The following PCSK5 variants were observed in gnomAD, a reference collection of about 807,000 sequenced individuals.
PCSK5 encodes proprotein convertase subtilisin/kexin type 5, also known as prohormone convertase 5.
Under a neutral mutation model 233.2 loss-of-function variants are expected in PCSK5, and 129 were observed. The observed-to-expected ratio is 0.55, with a 90% CI of 0.48 to 0.64. PCSK5 has a LOEUF of 0.64. PCSK5 is among the 30% of genes least tolerant of loss of function. The pLI, the probability that PCSK5 is intolerant of heterozygous loss-of-function variation, is 0.00. For synonymous variants in PCSK5, 825 were observed against 879.2 expected (o/e 0.94, Z 1.09); for missense variants, 2,076 against 2,430.1 (o/e 0.85, Z 3.06).
chr9:76,246,736 C>A (rs1296903907), intron 24 of PCSK5, among the ~76,000 whole-genome samples: 1 of 152,184 alleles, frequency 6.6e-6, no homozygotes, highest in African/African-American at 2.4e-5. Context: ...ATAGAGCACT[C>A]TGCAGCTACC....
At chr9:76,040,387 C>CTCTCTCTCTCTCTCTCTCTCTCTCTCTG (rs1829063933) in intron 5 of PCSK5, among the ~76,000 whole-genome samples, 1 of 39,044 alleles carries the variant, frequency 2.6e-5, no homozygotes, top group Non-Finnish European at 4.8e-5. Flanking sequence ...CTCTCTCTGT[C>CTCTCTCTCTCTCTCTCTCTCTCTCTCTG]TCTCTCTCTC....
At chr9:76,033,387 AG>A (rs1159580051) in intron 5 of PCSK5, among the ~76,000 whole-genome samples, 1 of 152,172 alleles carries the variant, frequency 6.6e-6, no homozygotes, top group African/African-American at 2.4e-5. Flanking sequence ...GAAGAAAATG[AG>A]GGTCAATATC....
intron 4 of PCSK5, among the ~76,000 whole-genome samples, chr9:76,024,406 C>T (rs981745730): frequency 4.6e-5 from 7 of 152,174 alleles, no homozygotes; most frequent in African/African-American, 1.4e-4. Flanking sequence ...CATCTAAGTG[C>T]ACTCAGATAA....
chr9:76,006,551 C>T (rs1827486389), intron 3 of PCSK5, among the ~76,000 whole-genome samples: 1 of 152,130 alleles, frequency 6.6e-6, no homozygotes, highest in Admixed American at 6.5e-5. Context: ...ATTAGCTTAT[C>T]CTGTTTTACC....
At chr9:75,966,163 C>T (rs1825576348) in intron 2 of PCSK5, among the ~76,000 whole-genome samples, 3 of 152,094 alleles carry the variant, frequency 2.0e-5, no homozygotes, top group South Asian at 4.1e-4. Flanking sequence ...ACTTTGGGTA[C>T]GTACTAACCT....
chr9:76,086,417 G>A (rs560905527), intron 7 of PCSK5, among the ~76,000 whole-genome samples: 95 of 152,308 alleles, frequency 6.2e-4, no homozygotes, highest in African/African-American at 2.2e-3. Flanking sequence ...GGGGCTCAAA[G>A]CATGGAGGAT....
intron 3 of PCSK5, 122 bp downstream of exon 3, chr9:75,986,367 A>G: frequency 1.6e-6 from 1 of 635,474 alleles, no homozygotes; most frequent in Non-Finnish European, 2.9e-6. Flanking sequence ...CTATTTTAAT[A>G]CCCACCATTT....
chr9:75,995,769 ACACACACACACACT>A (rs1249602943), intron 3 of PCSK5, among the ~76,000 whole-genome samples: 5 of 142,740 alleles, frequency 3.5e-5, no homozygotes, highest in Non-Finnish European at 8.0e-5. Context: ...ACACACACAC[ACACACACACACACT>A]CACACCTCTC....
intron 31 of PCSK5, 22 bp downstream of exon 31, chr9:76,321,661 G>C: frequency 1.3e-6 from 2 of 1,522,298 alleles, no homozygotes; most frequent in Non-Finnish European, 1.8e-6. Context: ...CTTCCCACAG[G>C]AGAGCAAGGC....
chr9:76,338,194 C>A, intron 34 of PCSK5, 36 bp from the exon 35 acceptor site: 1 of 1,479,886 alleles, frequency 6.8e-7, no homozygotes, highest in Non-Finnish European at 9.3e-7. Flanking sequence ...AGGAGCAAAG[C>A]TTACTATTCC....
At chr9:75,986,282 C>A in intron 3 of PCSK5, 37 bp downstream of exon 3, 2 of 1,221,974 alleles carry the variant, frequency 1.6e-6, no homozygotes, top group South Asian at 1.2e-5. Context: ...AGGGCCATGT[C>A]ATCCGGTTTT....
chr9:75,951,793 CTATT>C (rs1329433937), intron 2 of PCSK5, among the ~76,000 whole-genome samples: 1 of 151,992 alleles, frequency 6.6e-6, no homozygotes, highest in Non-Finnish European at 1.5e-5. Context: ...AGTGTAACAA[CTATT>C]TACAGGGCAT....
At chr9:76,347,139 T>C (rs1181090967) in intron 35 of PCSK5, among the ~76,000 whole-genome samples, 2 of 152,054 alleles carry the variant, frequency 1.3e-5, no homozygotes, top group Non-Finnish European at 2.9e-5. Context: ...TAAAATGGTT[T>C]GGAATCAAAA....
chr9:75,952,015 A>G (rs1734398746), intron 2 of PCSK5, among the ~76,000 whole-genome samples: 1 of 152,206 alleles, frequency 6.6e-6, no homozygotes. Flanking sequence ...AAGAATTTAA[A>G]GTGAACATCA....
At chr9:75,989,722 C>T (rs1011602898) in intron 3 of PCSK5, among the ~76,000 whole-genome samples, 3 of 152,092 alleles carry the variant, frequency 2.0e-5, no homozygotes, top group Non-Finnish European at 2.9e-5. Context: ...GTCCACTTGA[C>T]GTGGTGCTGG....
At chr9:76,315,168 G>T (rs1454951875) in intron 30 of PCSK5, among the ~76,000 whole-genome samples, 1 of 151,770 alleles carries the variant, frequency 6.6e-6, no homozygotes, top group Non-Finnish European at 1.5e-5. Context: ...TGGCCAGGCT[G>T]GTCTTGAACT....
chr9:76,024,150 G>A (rs1208353572), intron 4 of PCSK5, among the ~76,000 whole-genome samples: 3 of 152,178 alleles, frequency 2.0e-5, no homozygotes, highest in Non-Finnish European at 2.9e-5. Context: ...TCTGCTACCA[G>A]CAACATTCGC....
At chr9:75,937,242 G>A (rs916486970) in intron 2 of PCSK5, among the ~76,000 whole-genome samples, 3 of 148,074 alleles carry the variant, frequency 2.0e-5, no homozygotes, top group East Asian at 2.0e-4. Context: ...GCAATGGCAC[G>A]ATTTCAGCTC....
chr9:76,210,265 G>C (rs142659907), intron 20 of PCSK5, among the ~76,000 whole-genome samples: 1 of 152,220 alleles, frequency 6.6e-6, no homozygotes, highest in East Asian at 1.9e-4. Flanking sequence ...CAACGTCGTG[G>C]AGAAACTCTG....
Sources: allele counts gnomAD v4.1 joint callset (sites outside exome capture counted in the v4.1 genomes callset), GRCh38; gene constraint gnomAD v4.1.1; transcripts MANE v1.5; gene names NCBI Gene and HGNC (gene_info 2026-07-23, HGNC 2026-07-21).